The following PRPF6 variants were observed in gnomAD, a reference collection of about 807,000 sequenced individuals.
PRPF6 encodes the protein pre-mRNA processing factor 6, also known as pre-mRNA-processing factor 6.
Under a neutral mutation model 118.3 loss-of-function variants are expected in PRPF6, and 42 were observed. That is an observed-to-expected ratio of 0.35 (90% CI 0.28 to 0.46). The LOEUF is 0.46. PRPF6 is among the 20% of genes least tolerant of loss of function. The pLI, the probability that PRPF6 is intolerant of heterozygous loss-of-function variation, is 1.00. For synonymous variants in PRPF6, 481 were observed against 485.1 expected (o/e 0.99, Z 0.11); for missense variants, 662 against 1,255.7 (o/e 0.53, Z 7.15).
chr20:63,996,974 T>C lies in PRPF6; in HGVS notation c.771+1492T>C, dbSNP rs1029309806. Among the ~76,000 whole-genome samples, 35 of 152,180 alleles carry C rather than the reference T, an allele frequency of 2.3e-4. 1 individual carries two copies. Among genetic ancestry groups the C allele is most frequent in the Admixed American group, 6.6e-5 (1 of 15,264 alleles). ...AGTAATTTTTTTGTGGTAAAATATATGTAACACAGAATTTACCATTTTAAT... is the reference window on the plus strand; with the variant it reads ...AGTAATTTTTTTGTGGTAAAATATACGTAACACAGAATTTACCATTTTAAT... On this transcript the variant is annotated intron_variant, in intron 6 of 20. Coordinates refer to ENST00000266079, the MANE Select transcript of PRPF6 (RefSeq NM_012469.4).
chr20:64,032,773 A>C, intron 20 of PRPF6, 68 bp from the exon 21 acceptor site: 1 of 1,546,932 alleles, frequency 6.5e-7, no homozygotes, highest in Non-Finnish European at 8.7e-7. Flanking sequence ...GGGCCAGGCG[A>C]GAAGCAGGCG....
At chr20:63,994,447 C>T (rs1026020028) in intron 4 of PRPF6, among the ~76,000 whole-genome samples, 78 of 152,206 alleles carry the variant, frequency 5.1e-4, no homozygotes, top group African/African-American at 1.8e-3. Context: ...CATGAGCCAC[C>T]GTGCCCGGCC....
chr20:63,988,518 A>G (rs559969367), intron 3 of PRPF6, among the ~76,000 whole-genome samples: 72 of 152,116 alleles, frequency 4.7e-4, no homozygotes, highest in Non-Finnish European at 8.4e-4. Flanking sequence ...AAATATCCAT[A>G]CTACCCAAAG....
In PRPF6 at chr20:64,022,774, C is replaced by T. The variant is rs772144807; in HGVS notation, c.1665C>T (p.Ala555=). 4 of 1,614,060 alleles carry T rather than the reference C, an allele frequency of 2.5e-6. No homozygotes were observed. The highest frequency in any genetic ancestry group is 1.6e-4 in the Middle Eastern group (1 of 6,062). The change falls in exon 13 of 21, where the codon GCC becomes GCT. Residue 555 remains alanine, a synonymous_variant. Transcript: ENST00000266079. ...TGCTCTAGTGTGTAGCCCACAATGC[C>T]CTGGAGTGTGCACGAGCCATCTACG... is the stretch of plus-strand genomic sequence containing the variant. The part of the protein sequence containing the change: ...EDADSCVAHN[A]LECARAIYAY...
intron 11 of PRPF6, among the ~76,000 whole-genome samples, chr20:64,013,347 T>C (rs2059223410): frequency 6.6e-6 from 1 of 152,230 alleles, no homozygotes; most frequent in South Asian, 2.1e-4. Context: ...CACTGAGTTA[T>C]GTTTCTCTCA....
chr20:63,993,224 AAATGTG>A (rs1385160912), intron 3 of PRPF6, among the ~76,000 whole-genome samples, 177 bp from the exon 4 acceptor site: 1 of 113,584 alleles, frequency 8.8e-6, no homozygotes, highest in Non-Finnish European at 1.9e-5. Flanking sequence ...TCAAAAAAAA[AAATGTG>A]TGTGTGTGTG....
chr20:64,020,214 G>A (rs962729151), intron 12 of PRPF6, among the ~76,000 whole-genome samples: 3 of 152,080 alleles, frequency 2.0e-5, no homozygotes, highest in Non-Finnish European at 4.4e-5. Flanking sequence ...TCAGGAGTTC[G>A]AGACCAGCCT....
intron 3 of PRPF6, among the ~76,000 whole-genome samples, chr20:63,990,527 G>T (rs1239307116): frequency 6.6e-6 from 1 of 151,772 alleles, no homozygotes; most frequent in Non-Finnish European, 1.5e-5. Flanking sequence ...GTGGAGCGCG[G>T]TGGCTTGATT....
intron 13 of PRPF6, among the ~76,000 whole-genome samples, chr20:64,024,044 G>C (rs182775420): frequency 1.4e-4 from 21 of 152,332 alleles, no homozygotes; most frequent in African/African-American, 4.8e-4. Flanking sequence ...GACTGAGGGT[G>C]GTGGGCCACA....
intron 3 of PRPF6, among the ~76,000 whole-genome samples, chr20:63,987,496 A>G (rs1329080334): frequency 2.0e-5 from 3 of 152,068 alleles, no homozygotes; most frequent in Admixed American, 6.6e-5. Context: ...AAAGCCACAT[A>G]TGGTAGGCCC....
chr20:64,000,971 C>T (rs1361453240), intron 8 of PRPF6, 106 bp from the exon 9 acceptor site: 91 of 1,298,288 alleles, frequency 7.0e-5, no homozygotes, highest in South Asian at 6.7e-4. Context: ...AATTGGCTTT[C>T]GTAAATTCTG....
intron 3 of PRPF6, among the ~76,000 whole-genome samples, chr20:63,988,233 T>C (rs1443168078): frequency 6.6e-6 from 1 of 151,972 alleles, no homozygotes; most frequent in Non-Finnish European, 1.5e-5. Context: ...GGCAAGAGAA[T>C]TGCTTGAACC....
intron 12 of PRPF6, among the ~76,000 whole-genome samples, chr20:64,022,551 A>G (rs1601530455): frequency 6.6e-6 from 1 of 151,802 alleles, no homozygotes; most frequent in Non-Finnish European, 1.5e-5. Context: ...CAGATGATCC[A>G]CCCGCCTCGG....
chr20:64,020,779 T>C (rs529553563), intron 12 of PRPF6, among the ~76,000 whole-genome samples: 1 of 143,734 alleles, frequency 7.0e-6, no homozygotes, highest in African/African-American at 2.6e-5. Flanking sequence ...ATATATACTA[T>C]ACCTAATTTT....
intron 12 of PRPF6, among the ~76,000 whole-genome samples, chr20:64,018,461 G>A (rs1017083669): frequency 6.6e-6 from 1 of 152,098 alleles, no homozygotes; most frequent in South Asian, 2.1e-4. Flanking sequence ...GTTCAACTCC[G>A]ACCGTCTGGT....
At position 63,999,765 on chromosome 20, in the gene PRPF6, G is replaced by T. The variant is rs750775474; in HGVS notation, c.1023+6G>T. ...GGACGGAGATGTGCCCCAAGGTGAG[G>T]TATTTCCTGGGAGGCGTTTCCTGGG... On this transcript the variant is annotated splice_donor_region_variant and intron_variant, in intron 8 of 20. Transcript: ENST00000266079. 4.3e-6 allele frequency: 7 copies of T among 1,613,958 alleles called. No individual in the cohort carries two copies. The South Asian group carries it at 7.7e-5, about 18-fold the overall frequency.
At chr20:63,981,364 C>T (rs1355997217) in intron 1 of PRPF6, 48 bp downstream of exon 1, 3 of 1,525,384 alleles carry the variant, frequency 2.0e-6, no homozygotes, top group Admixed American at 4.0e-5. Flanking sequence ...GCTACAGGAG[C>T]GCAGTGCTTT....
intron 11 of PRPF6, among the ~76,000 whole-genome samples, chr20:64,013,959 G>T (rs1056761305): frequency 3.3e-5 from 5 of 151,384 alleles, no homozygotes; most frequent in Non-Finnish European, 7.4e-5. Context: ...TTTTGAGACA[G>T]GGTGGGTCTC....
At chr20:63,983,578 G>A (rs1181842399) in intron 2 of PRPF6, among the ~76,000 whole-genome samples, 1 of 146,804 alleles carries the variant, frequency 6.8e-6, no homozygotes, top group East Asian at 2.0e-4. Context: ...TTTTGAGATG[G>A]AATTTCGCTC....
Sources: allele counts gnomAD v4.1 joint callset (sites outside exome capture counted in the v4.1 genomes callset), GRCh38; gene constraint gnomAD v4.1.1; transcripts MANE v1.5; gene names NCBI Gene and HGNC (gene_info 2026-07-23, HGNC 2026-07-21).